The following COMMD7 variants were observed in gnomAD, a reference collection of about 807,000 sequenced individuals.
The protein encoded by COMMD7 is COMM domain-containing protein 7.
In COMMD7, 28 loss-of-function variants were observed where a neutral mutation model predicts 34.8. The ratio of observed to expected loss-of-function variants is 0.80; its 90% confidence interval spans 0.60 to 1.10. COMMD7 has a LOEUF of 1.10. COMMD7 is among the 50% of genes least tolerant of loss of function. The pLI, the probability that COMMD7 is intolerant of heterozygous loss-of-function variation, is 0.00. For missense variants in COMMD7, 211 were observed against 241.6 expected (o/e 0.87, Z 0.84); for synonymous variants, 80 against 86.4 (o/e 0.93, Z 0.41).
At chr20:32,723,189 T>A (rs1985298072) in intron 3 of COMMD7, among the ~76,000 whole-genome samples, 1 of 45,020 alleles carries the variant, frequency 2.2e-5, no homozygotes. Flanking sequence ...CTCCCTCTCA[T>A]GCGGAGCCGA....
intron 3 of COMMD7, among the ~76,000 whole-genome samples, chr20:32,719,521 G>A (rs1405093727): frequency 2.0e-5 from 3 of 151,952 alleles, no homozygotes; most frequent in Non-Finnish European, 2.9e-5. Flanking sequence ...ATGGTGGCGG[G>A]TGCCTGTAAT....
intron 3 of COMMD7, among the ~76,000 whole-genome samples, chr20:32,709,199 G>T (rs76892366): frequency 4.6e-5 from 7 of 151,908 alleles, no homozygotes; most frequent in Admixed American, 2.6e-4. Flanking sequence ...ACTTTGGGAG[G>T]CTGAGGGGGT....
At chr20:32,742,836 G>T (rs1227663445) in intron 1 of COMMD7, among the ~76,000 whole-genome samples, 2 of 151,956 alleles carry the variant, frequency 1.3e-5, no homozygotes, top group African/African-American at 4.8e-5. Context: ...AGATTCTCGG[G>T]CCCTCCCACT....
At chr20:32,709,251 G>A (rs1233492787) in intron 3 of COMMD7, among the ~76,000 whole-genome samples, 1 of 151,798 alleles carries the variant, frequency 6.6e-6, no homozygotes, top group African/African-American at 2.4e-5. Context: ...CCTGGCCAAC[G>A]TGGCAAAACC....
chr20:32,710,749 T>C (rs560800877), intron 3 of COMMD7, among the ~76,000 whole-genome samples: 1 of 122,654 alleles, frequency 8.2e-6, no homozygotes, highest in African/African-American at 3.1e-5. Flanking sequence ...AAAAAAAAAA[T>C]AGATGTAGCT....
At chr20:32,714,686 C>T (rs924147407) in intron 3 of COMMD7, among the ~76,000 whole-genome samples, 15 of 151,950 alleles carry the variant, frequency 9.9e-5, no homozygotes, top group African/African-American at 3.6e-4. Flanking sequence ...TAGCCGGGCA[C>T]GGTGGTGCAT....
At chr20:32,706,646 A>C in intron 4 of COMMD7, 26 bp from the exon 5 acceptor site, 1 of 1,611,956 alleles carries the variant, frequency 6.2e-7, no homozygotes, top group Non-Finnish European at 8.5e-7. Context: ...AGGAGATATT[A>C]ACATAATAAA....
At chr20:32,706,521 A>G (rs1984089802) in intron 5 of COMMD7, 62 bp downstream of exon 5, 2 of 1,420,854 alleles carry the variant, frequency 1.4e-6, no homozygotes, top group Non-Finnish European at 2.0e-6. Context: ...TCAAAAAAAA[A>G]AAAAAGAAAG....
At chr20:32,705,769 A>G (rs1363599355) in intron 5 of COMMD7, among the ~76,000 whole-genome samples, 1 of 152,216 alleles carries the variant, frequency 6.6e-6, no homozygotes, top group African/African-American at 2.4e-5. Flanking sequence ...TTAGAGATAC[A>G]CTGAATAGTG....
chr20:32,739,230 G>T (rs985147817), intron 1 of COMMD7, among the ~76,000 whole-genome samples: 1 of 152,108 alleles, frequency 6.6e-6, no homozygotes. Context: ...ACCTTGGGAG[G>T]CCAAGATGGA....
At chr20:32,705,410 G>A (rs1984021924) in intron 5 of COMMD7, among the ~76,000 whole-genome samples, 1 of 145,540 alleles carries the variant, frequency 6.9e-6, no homozygotes, top group African/African-American at 2.6e-5. Context: ...GTCTCGCTCT[G>A]TTGCCCAGGC....
At chr20:32,721,722 A>C (rs1214243731) in intron 3 of COMMD7, among the ~76,000 whole-genome samples, 2 of 152,176 alleles carry the variant, frequency 1.3e-5, no homozygotes, top group East Asian at 3.8e-4. Flanking sequence ...TCTACTAAAA[A>C]TACAAAAAAC....
At chr20:32,713,802 A>C (rs1984610784) in intron 3 of COMMD7, among the ~76,000 whole-genome samples, 1 of 152,168 alleles carries the variant, frequency 6.6e-6, no homozygotes, top group South Asian at 2.1e-4. Flanking sequence ...AATAACGTAA[A>C]ACATAAGCCA....
At chr20:32,703,630 G>C (rs1983876684) in intron 8 of COMMD7, 172 bp from the exon 9 acceptor site, 1 of 1,438,328 alleles carries the variant, frequency 7.0e-7, no homozygotes, top group East Asian at 2.5e-5. Flanking sequence ...AATGCAGAAG[G>C]TTCTCTGCTC....
At chr20:32,725,530 G>A (rs1291272660) in intron 3 of COMMD7, among the ~76,000 whole-genome samples, 1 of 148,368 alleles carries the variant, frequency 6.7e-6, no homozygotes, top group East Asian at 2.0e-4. Flanking sequence ...CCGGGATCAC[G>A]CCATTCTCCT....
intron 1 of COMMD7, among the ~76,000 whole-genome samples, chr20:32,739,789 G>GGGT (rs1339206463): frequency 7.1e-6 from 1 of 141,744 alleles, no homozygotes; most frequent in Non-Finnish European, 1.5e-5. Flanking sequence ...GGGCCAAGGT[G>GGGT]GGTGGATCAC....
chr20:32,711,953 G>A (rs902836617), intron 3 of COMMD7, among the ~76,000 whole-genome samples: 3 of 151,936 alleles, frequency 2.0e-5, no homozygotes, highest in Non-Finnish European at 4.4e-5. Context: ...CGGAGGCCGA[G>A]GCGGGTGGAT....
At chr20:32,739,323 T>C (rs905254596) in intron 1 of COMMD7, among the ~76,000 whole-genome samples, 6 of 152,050 alleles carry the variant, frequency 3.9e-5, no homozygotes, top group African/African-American at 1.4e-4. Flanking sequence ...AGCAACTACC[T>C]ATAAAAGTGA....
chr20:32,709,889 C>CTT (rs77153527), intron 3 of COMMD7, among the ~76,000 whole-genome samples: 1 of 142,760 alleles, frequency 7.0e-6, no homozygotes. Flanking sequence ...TCTTTTTTTA[C>CTT]TTTTTTTTTT....
Sources: allele counts gnomAD v4.1 joint callset (sites outside exome capture counted in the v4.1 genomes callset), GRCh38; gene constraint gnomAD v4.1.1; transcripts MANE v1.5; gene names NCBI Gene and HGNC (gene_info 2026-07-23, HGNC 2026-07-21).